Variants in SLC29A1 observed in about 807,000 individuals in gnomAD.
SLC29A1 encodes the protein equilibrative nucleoside transporter 1.
A neutral mutation model predicts 48.3 loss-of-function variants in SLC29A1; 22 were observed. The ratio of observed to expected loss-of-function variants is 0.46; its 90% CI spans 0.33 to 0.65. The LOEUF is 0.65. Among genes scored for constraint, SLC29A1 ranks in the 30% least tolerant of loss-of-function variants. SLC29A1 has a pLI of 0.03. For synonymous variants in SLC29A1, 228 were observed against 231.0 expected (o/e 0.99, Z 0.12); for missense variants, 491 against 575.3 (o/e 0.85, Z 1.50).
rs376950556 is a variant in SLC29A1, at chr6:44,233,444, C to T, written c.1287C>T (p.Thr429=). 68 of 1,613,910 alleles carry T rather than the reference C, an allele frequency of 4.2e-5. No homozygotes were observed. Among genetic ancestry groups the T allele is most frequent in the Admixed American group, 8.3e-5 (5 of 59,998 alleles). ...PKKVKPAEAE[T]AGAIMAFFLC... ...AAGTGAAGCCAGCTGAGGCAGAGAC[C>T]GCAGGAGCCATCATGGCCTTCTTCC... Residue 429 remains threonine (T), a synonymous_variant, in exon 13 of 13, where the codon ACC becomes ACT. Transcript: ENST00000371755.
rs1561889818 is a variant in SLC29A1, at chr6:44,233,579, CCCTT to C, written c.*57_*60del. 2 of 1,432,548 alleles carry C rather than the reference CCCTT, an allele frequency of 1.4e-6. No individual in the cohort carries two copies. Among genetic ancestry groups the C allele is most frequent in the South Asian group, 2.3e-5 (2 of 87,284 alleles). The allele number at this position is 1,432,548 out of a possible 1,614,324, so 88.7% of individuals were successfully genotyped here. On this transcript the variant is annotated 3_prime_UTR_variant, in exon 13 of 13. Coordinates refer to ENST00000371755, the MANE Select transcript of SLC29A1 (RefSeq NM_001372327.1). ...GCCTCCCTCCCTGTCTGCCTCCTGC[CCCTT>C]CCTTCTGCCAGGGGTGATCCTGAGT...
chr6:44,230,114 C>G (rs1261854277), intron 5 of SLC29A1, 68 bp downstream of exon 5: 3 of 1,580,780 alleles, frequency 1.9e-6, no homozygotes, highest in African/African-American at 2.7e-5. Context: ...TTTTTCAGAC[C>G]CAGCGTTAGC....
rs1012273436 is a variant in SLC29A1, at chr6:44,232,363, T to C, written c.994T>C (p.Ser332Pro). ...TCCAGAACGTTACTTCATTCCTGTG[T>C]CCTGTTTCTTGACTTTCAATATCTT... ...STWERYFIPVSCFLTFNIFDW... is the reference protein window; with the variant it reads ...STWERYFIPVPCFLTFNIFDW... The change falls in exon 11 of 13, where the codon TCC becomes CCC. Residue 332 changes from serine (S) to proline (P), a missense_variant. Transcript: ENST00000371755. This position sits in a 1 kb window ranked among gnomAD's most constrained non-coding sequence, Gnocchi z 4.7. 1.2e-6 allele frequency: 2 copies of C among 1,613,384 alleles called. No homozygotes were observed. Among genetic ancestry groups the C allele is most frequent in the Non-Finnish European group, 1.7e-6 (2 of 1,179,290 alleles).
chr6:44,221,624 A>T, upstream of SLC29A1: 5 of 1,289,762 alleles, frequency 3.9e-6, no homozygotes, highest in Non-Finnish European at 5.1e-6. The surrounding 1 kb of genome is among the most constrained non-coding windows in gnomAD (Gnocchi z 4.2). Flanking sequence ...AAGCCAGAAG[A>T]CCAGGCAGAG....
upstream of SLC29A1, chr6:44,223,571 G>A: frequency 4.1e-6 from 5 of 1,209,990 alleles, no homozygotes; most frequent in South Asian, 2.8e-5. The surrounding 1 kb of genome is among the most constrained non-coding windows in gnomAD (Gnocchi z 5.0). Flanking sequence ...GTTTGAATGT[G>A]CCCCGGCGGG....
chr6:44,230,933 G>A (rs1485166025), intron 8 of SLC29A1, 44 bp downstream of exon 8: 1 of 1,439,964 alleles, frequency 6.9e-7, no homozygotes, highest in Middle Eastern at 1.9e-4. Flanking sequence ...TGGTATACCA[G>A]GCGGGGGATA....
chr6:44,220,665 A>AC (rs1776282410), upstream of SLC29A1, among the ~76,000 whole-genome samples: 1 of 150,696 alleles, frequency 6.6e-6, no homozygotes, highest in African/African-American at 2.4e-5. Context: ...AAAAAAAAAA[A>AC]AATACAAAAA....
chr6:44,233,356 AGAG>A, intron 12 of SLC29A1, 58 bp from the exon 13 acceptor site: 7 of 1,390,770 alleles, frequency 5.0e-6, no homozygotes, highest in Non-Finnish European at 7.2e-6. Flanking sequence ...CCTTCCACCC[AGAG>A]GCTCTGGGCT....
At chr6:44,222,090 G>A (rs1776495710), upstream of SLC29A1, among the ~76,000 whole-genome samples, 1 of 152,180 alleles carries the variant, frequency 6.6e-6, no homozygotes, top group Non-Finnish European at 1.5e-5. Context: ...AAGGCAGAGG[G>A]CAGAGGAGGG....
At chr6:44,221,712 G>T (rs1274689907), upstream of SLC29A1, 1 of 1,201,800 alleles carries the variant, frequency 8.3e-7, no homozygotes, top group African/African-American at 1.6e-5. The surrounding 1 kb of genome is among the most constrained non-coding windows in gnomAD (Gnocchi z 4.2). Context: ...AGGCTGTCCA[G>T]CAGGGGGCCC....
rs749270480 is a variant in SLC29A1 at position 44,227,350 on chromosome 6, G to A, written c.29+8G>A. 9 of 1,612,066 alleles carry A rather than the reference G, an allele frequency of 5.6e-6. No individual in the cohort carries two copies. The Admixed American group carries it at 1.2e-4, about 21-fold the overall frequency. On this transcript the variant is annotated splice_region_variant and intron_variant, in intron 2 of 12. Transcript: ENST00000371755. ...TCACCAGCCTCAGGACAGGTAAGGG[G>A]TAAGGGGCTGGGCTGTGGATCCAGG...
chr6:44,221,641 G>A (rs1454762458), upstream of SLC29A1: 28 of 1,289,824 alleles, frequency 2.2e-5, no homozygotes, highest in Non-Finnish European at 2.4e-5. This position sits in a 1 kb window ranked among gnomAD's most constrained non-coding sequence, Gnocchi z 4.2. Context: ...AGAGACTGAA[G>A]AGAGCTGGCA....
intron 2 of SLC29A1, among the ~76,000 whole-genome samples, chr6:44,228,814 C>T (rs527726062): frequency 2.9e-4 from 44 of 152,286 alleles, no homozygotes; most frequent in African/African-American, 1.1e-3. Context: ...GTATGAACTA[C>T]AAAGTTCTAT....
Position 44,232,092 on chromosome 6 carries a change from G to A in SLC29A1, c.959G>A (p.Gly320Asp), listed in dbSNP as rs772105329. ...VTVEVKSSIAGSSTWERYFIP... is the reference protein window; with the variant it reads ...VTVEVKSSIADSSTWERYFIP... ...GTTGAGGTCAAGTCCAGCATCGCAG[G>A]CAGCAGCACCTGGGGTGAGGATGCC... The change falls in exon 10 of 13, where the codon GGC (glycine) becomes GAC (aspartate). Residue 320 changes from glycine (G) to aspartate (D), a missense_variant. By Grantham distance (94) the Gly-to-Asp change is moderately conservative. Transcript: ENST00000371755. This position sits in a 1 kb window ranked among gnomAD's most constrained non-coding sequence, Gnocchi z 4.7. The A allele has an allele frequency of 6.2e-7, 1 of 1,613,274 alleles. No individual in the cohort carries two copies. The highest frequency in any genetic ancestry group is 1.1e-5 in the South Asian group (1 of 91,052).
intron 9 of SLC29A1, 49 bp from the exon 10 acceptor site, chr6:44,231,949 G>C: frequency 7.3e-7 from 1 of 1,363,808 alleles, no homozygotes; most frequent in Non-Finnish European, 1.0e-6. Flanking sequence ...TTAATGCACA[G>C]CCACCATGAA....
At chr6:44,233,272 G>A (rs1779302449) in intron 12 of SLC29A1, 145 bp from the exon 13 acceptor site, 2 of 786,806 alleles carry the variant, frequency 2.5e-6, no homozygotes, top group Admixed American at 4.2e-5. Flanking sequence ...GAGAAGCCAG[G>A]TTGGGGTTAG....
rs750730254 is a variant in SLC29A1 at position 44,230,864 on chromosome 6, G to A, written c.741G>A (p.Glu247=). ...QLKLEGPGEQ[E]TKLDLISKGE... is the part of the protein sequence containing the mutation. Reference sequence around the variant, plus strand: ...AGCTTGAAGGACCCGGGGAGCAGGAGACCAAGTTGGACCTCATTAGCAAAG... The same window carrying A: ...AGCTTGAAGGACCCGGGGAGCAGGAAACCAAGTTGGACCTCATTAGCAAAG... Residue 247 remains glutamate (E), a synonymous_variant, in exon 8 of 13, where the codon GAG becomes GAA. Transcript: ENST00000371755. 6.2e-7 allele frequency: 1 copy of A among 1,613,994 alleles called. No homozygotes were observed. The highest frequency in any genetic ancestry group is 1.3e-5 in the African/African-American group (1 of 74,922).
At chr6:44,224,016 A>T in intron 1 of SLC29A1, 35 of 792,270 alleles carry the variant, frequency 4.4e-5, no homozygotes, top group Non-Finnish European at 5.0e-5. Context: ...GGGGATGGGG[A>T]TGGGGATGGA....
Position 44,229,923 on chromosome 6 carries a change from C to T in SLC29A1, c.331C>T (p.Arg111Trp), listed in dbSNP as rs778455757. 24 of 1,613,282 alleles carry T rather than the reference C, an allele frequency of 1.5e-5. No homozygotes were observed. The highest frequency in any genetic ancestry group is 1.6e-4 in the Middle Eastern group (1 of 6,084). ...TCCCGGCAGGATCCCCCAGTCCGTA[C>T]GGATCCTGGGCAGCCTGGTGGCCAT... ...FLHQRIPQSV[R>W]ILGSLVAILL... The change falls in exon 5 of 13, where the codon CGG becomes TGG. Residue 111 changes from arginine to tryptophan, a missense_variant. Arg to Trp is a moderately radical substitution (Grantham distance 101). Coordinates refer to ENST00000371755, the MANE Select transcript of SLC29A1 (RefSeq NM_001372327.1). This position sits in a 1 kb window ranked among gnomAD's most constrained non-coding sequence, Gnocchi z 5.1.
Sources: allele counts gnomAD v4.1 joint callset (sites outside exome capture counted in the v4.1 genomes callset), GRCh38; gene constraint gnomAD v4.1.1; non-coding constraint Gnocchi (gnomAD v3.1); transcripts MANE v1.5; gene names NCBI Gene and HGNC (gene_info 2026-07-23, HGNC 2026-07-21).